ITSN2: variants seen among roughly 807,000 people sequenced by gnomAD.
The protein encoded by ITSN2 is intersectin-2.
ITSN2 carries 156 observed loss-of-function variants against 243.7 expected under a neutral mutation model. That is an observed-to-expected ratio of 0.64 (90% CI 0.56 to 0.73). ITSN2 has a LOEUF of 0.73. ITSN2 is among the 30% of genes least tolerant of loss of function. The probability of loss-of-function intolerance (pLI) is 0.00; values close to 1 mark genes in which losing one functional copy is unlikely to be tolerated. For missense variants in ITSN2, 1,801 were observed against 1,996.1 expected, an observed-to-expected ratio of 0.90 and a Z score of 1.86; for synonymous variants, 703 against 699.9, an observed-to-expected ratio of 1.00 and a Z score of -0.07.
Position 24,209,959 on chromosome 2 carries a change from G to C in ITSN2, c.4332C>G (p.Thr1444=). The C allele has an allele frequency of 1.2e-6, 2 of 1,614,176 alleles. No homozygotes were observed. The highest frequency in any genetic ancestry group is 1.7e-6 in the Non-Finnish European group (2 of 1,179,984). Residue 1444 remains threonine, a synonymous_variant, in exon 35 of 40, where the codon ACC becomes ACG. Coordinates refer to ENST00000355123, the MANE Select transcript of ITSN2 (RefSeq NM_006277.3). ...KLLHSGKLYK[T]KSNKELHGFL... ...ATCCGTGCAGTTCCTTGTTGCTCTTGGTCTTGTATAATTTCCCACTGTGTA... is the reference window on the plus strand; with the variant it reads ...ATCCGTGCAGTTCCTTGTTGCTCTTCGTCTTGTATAATTTCCCACTGTGTA...
At position 24,310,339 on chromosome 2, in the gene ITSN2, A is replaced by C. The variant is rs1416645826; in HGVS notation, c.598T>G (p.Phe200Val). The stretch of plus-strand genomic sequence containing the variant: ...GCTTTCTGTATACTAGCACCTCCAA[A>C]TCCTCCCATCATCAGACTATAAGAT... ...GSSYSLMMGG[F>V]GGASIQKAQS... Residue 200 changes from phenylalanine (F) to valine (V), a missense_variant, in exon 7 of 40, where the codon TTT becomes GTT. By Grantham distance (50) the Phe-to-Val change is conservative. Transcript: ENST00000355123. 1 of 1,613,962 alleles carries C rather than the reference A, an allele frequency of 6.2e-7. No individual in the cohort carries two copies.
chr2:24,306,837 C>T (rs140187010), intron 8 of ITSN2, among the ~76,000 whole-genome samples: 5 of 151,182 alleles, frequency 3.3e-5, no homozygotes, highest in Admixed American at 6.6e-5. Context: ...GACAGAGTCT[C>T]GTTCTGTTGC....
chr2:24,212,677 G>C lies in ITSN2; in HGVS notation c.4062C>G (p.Ile1354Met), dbSNP rs894425980. ...TTCTGATGAGCAGTGGGTAGCGGGT[G>C]ATCCTCTGCATGGGTTTCAGCAGGA... ...SSFLLKPMQRITRYPLLIRSI... is the reference protein window; with the variant it reads ...SSFLLKPMQRMTRYPLLIRSI... The change falls in exon 33 of 40, where the codon ATC becomes ATG. Residue 1354 changes from isoleucine to methionine, a missense_variant. Around this residue, in one of 5 missense-constraint regions of ITSN2, gnomAD observed 928 missense variants for 1,065.4 expected, o/e 0.87. Transcript: ENST00000355123. 1.9e-6 allele frequency: 3 copies of C among 1,613,060 alleles called. No individual in the cohort carries two copies. Among genetic ancestry groups the C allele is most frequent in the Non-Finnish European group, 2.5e-6 (3 of 1,179,638 alleles).
At chr2:24,203,882 G>T in intron 39 of ITSN2, 99 bp from the exon 40 acceptor site, 1 of 1,296,198 alleles carries the variant, frequency 7.7e-7, no homozygotes, top group Non-Finnish European at 1.1e-6. Flanking sequence ...CTTCAAATCT[G>T]AAACAAGGAA....
At chr2:24,267,148 ACAC>A (rs1039186443) in intron 20 of ITSN2, among the ~76,000 whole-genome samples, 8 of 151,952 alleles carry the variant, frequency 5.3e-5, no homozygotes, top group African/African-American at 1.9e-4. Context: ...AGAAAACCAA[ACAC>A]CACATGTTCT....
Position 24,203,761 on chromosome 2 carries a change from A to C in ITSN2, c.4959T>G (p.Ile1653Met). Reference sequence around the variant, plus strand: ...GTTCTGTTCGAATTTTTGCCACTGGAATTTCAGTACGACCCAGGAAATCTG... The same window carrying C: ...GTTCTGTTCGAATTTTTGCCACTGGCATTTCAGTACGACCCAGGAAATCTG... ...SPDDFLGRTE[I>M]PVAKIRTEQE... is the part of the protein sequence containing the mutation. The change falls in exon 40 of 40, where the codon ATT becomes ATG. Residue 1653 changes from isoleucine to methionine, a missense_variant. This residue lies in a region of ITSN2 where 928 missense variants were observed against 1,065.4 expected (regional missense o/e 0.87). Coordinates refer to ENST00000355123, the MANE Select transcript of ITSN2 (RefSeq NM_006277.3). 6.2e-7 allele frequency: 1 copy of C among 1,614,000 alleles called. No homozygotes were observed. The highest frequency in any genetic ancestry group is 8.5e-7 in the Non-Finnish European group (1 of 1,179,964).
At chr2:24,320,347 G>A (rs370386189) in intron 2 of ITSN2, among the ~76,000 whole-genome samples, 161 of 150,390 alleles carry the variant, frequency 1.1e-3, no homozygotes, top group African/African-American at 3.8e-3. Flanking sequence ...GTGAAACCCC[G>A]TCTCTACTAA....
At position 24,204,842 on chromosome 2, in the gene ITSN2, G is replaced by A. The variant is rs1222290032; in HGVS notation, c.4762+372C>T. 6 of 419,682 alleles carry A rather than the reference G, an allele frequency of 1.4e-5. No homozygotes were observed. Among genetic ancestry groups the A allele is most frequent in the South Asian group, 1.1e-4 (6 of 57,110 alleles). The allele number at this position is 419,682 out of a possible 1,614,324, so 26.0% of individuals were successfully genotyped here. A position where few individuals can be genotyped will look rare whatever the true frequency, so the allele number is the denominator to read the frequency against. On this transcript the variant is annotated intron_variant, in intron 38 of 39. Transcript: ENST00000355123. This position sits in a 1 kb window ranked among gnomAD's most constrained non-coding sequence, Gnocchi z 5.1. ...ATTCCTTTATTCAGTGTTCAGAAGA[G>A]TCATCAGTGGCTGGGCGCAGTGGCA... is the stretch of plus-strand genomic sequence containing the variant.
chr2:24,323,673 C>T (rs2702042), intron 2 of ITSN2, among the ~76,000 whole-genome samples: 51,646 of 151,866 alleles, frequency 0.34, 9,237 homozygotes, highest in African/African-American at 0.42. Context: ...CTCATCGAAC[C>T]GTATACTTTA....
Position 24,261,734 on chromosome 2 carries a change from T to G in ITSN2, c.2364A>C (p.Glu788Asp). 1 of 1,611,266 alleles carries G rather than the reference T, an allele frequency of 6.2e-7. No homozygotes were observed. Among genetic ancestry groups the G allele is most frequent in the South Asian group, 1.1e-5 (1 of 90,702 alleles). Residue 788 changes from glutamate (E) to aspartate (D), a missense_variant, in exon 21 of 40, where the codon GAA (glutamate) becomes GAC (aspartate). Around this residue, in one of 5 missense-constraint regions of ITSN2, gnomAD observed 787 missense variants for 803.9 expected, o/e 0.98. Coordinates refer to ENST00000355123, the MANE Select transcript of ITSN2 (RefSeq NM_006277.3). ...GCCAACCAGGTTCTCCTACGGTTTTTTCATCAACCTACGGAAATAAAAAGA... is the reference window on the plus strand; with the variant it reads ...GCCAACCAGGTTCTCCTACGGTTTTGTCATCAACCTACGGAAATAAAAAGA... ...FNSGDIIQVD[E>D]KTVGEPGWLY...
chr2:24,318,162 T>C (rs1684139315), intron 2 of ITSN2, among the ~76,000 whole-genome samples: 1 of 152,040 alleles, frequency 6.6e-6, no homozygotes, highest in Non-Finnish European at 1.5e-5. Context: ...TTTTAAAAAA[T>C]TTAGAGACAG....
At position 24,248,895 on chromosome 2, in the gene ITSN2, G is replaced by C; in HGVS notation, c.3121-13C>G. The C allele has an allele frequency of 6.2e-7, 1 of 1,612,110 alleles. No homozygotes were observed. Among genetic ancestry groups the C allele is most frequent in the East Asian group, 2.2e-5 (1 of 44,848 alleles). ...CACTCCCAAAACTCTACAAGGAAAA[G>C]ATACCGTGTTGTTTTATTATTTCCA... On this transcript the variant is annotated splice_polypyrimidine_tract_variant and intron_variant, in intron 25 of 39. Transcript: ENST00000355123.
At chr2:24,215,724 T>C (rs1420553112) in intron 32 of ITSN2, among the ~76,000 whole-genome samples, 1 of 147,646 alleles carries the variant, frequency 6.8e-6, no homozygotes, top group Non-Finnish European at 1.5e-5. Context: ...ATAAGGCAGG[T>C]ATTAAATGAA....
intron 1 of ITSN2, among the ~76,000 whole-genome samples, chr2:24,340,802 T>G (rs1249129671): frequency 6.6e-6 from 1 of 151,966 alleles, no homozygotes; most frequent in African/African-American, 2.4e-5. Context: ...AGACCCACAT[T>G]TGGTAGTTAT....
In ITSN2 at chr2:24,314,514, T is replaced by C. The variant is rs558152193; in HGVS notation, c.124+618A>G. Among the ~76,000 whole-genome samples, 6 of 152,274 alleles carry C rather than the reference T, an allele frequency of 3.9e-5. No individual in the cohort carries two copies. In the East Asian group the frequency reaches 1.2e-3, roughly 29 times the overall value. On this transcript the variant is annotated intron_variant, in intron 3 of 39. Coordinates refer to ENST00000355123, the MANE Select transcript of ITSN2 (RefSeq NM_006277.3). ...CAACAACAGTGCCTACTTTACAGGG[T>C]TGTTGTAAAGGTTAAATAAAATAAT...
At position 24,203,403 on chromosome 2, in the gene ITSN2, A is replaced by G. The variant is rs1343292150; in HGVS notation, c.*223T>C. 2.3e-6 allele frequency: 1 copy of G among 433,676 alleles called. No homozygotes were observed. Among genetic ancestry groups the G allele is most frequent in the Admixed American group, 3.7e-5 (1 of 27,130 alleles). 26.9% of individuals were successfully genotyped at this position (433,676 alleles called of 1,614,324 possible). On this transcript the variant is annotated 3_prime_UTR_variant, in exon 40 of 40. Coordinates refer to ENST00000355123, the MANE Select transcript of ITSN2 (RefSeq NM_006277.3). ...TAAACAAACAGAGCTGAACATGTGA[A>G]CACTAGGACAAGGCACTGTACTATG...
chr2:24,293,755 G>A lies in ITSN2; in HGVS notation c.1656C>T (p.Ile552=). ...QELQEYQNKL[I]YLVPEKQLLN... The stretch of plus-strand genomic sequence containing the variant: ...ATAATTGCTTCTCAGGTACCAGATA[G>A]ATAAGCTTATTCTGATATTCCTTAT... The change falls in exon 15 of 40, where the codon ATC becomes ATT. Residue 552 remains isoleucine (I), a synonymous_variant. Coordinates refer to ENST00000355123, the MANE Select transcript of ITSN2 (RefSeq NM_006277.3). 1 of 1,126,546 alleles carries A rather than the reference G, an allele frequency of 8.9e-7. No homozygotes were observed. The highest frequency in any genetic ancestry group is 1.3e-6 in the Non-Finnish European group (1 of 779,764). The allele number at this position is 1,126,546 out of a possible 1,614,324, so 69.8% of individuals were successfully genotyped here. A position where few individuals can be genotyped will look rare whatever the true frequency, so the allele number is the denominator to read the frequency against.
chr2:24,223,830 AAGG>A (rs74888494), intron 29 of ITSN2, among the ~76,000 whole-genome samples: 1 of 144,570 alleles, frequency 6.9e-6, no homozygotes, highest in African/African-American at 2.6e-5. Context: ...AAGGGAAAAA[AAGG>A]AAAGAAACAA....
rs766183146 is a variant in ITSN2 at position 24,289,957 on chromosome 2, T to C, written c.1724-3606A>G. ...GATTATGATAGCTGTGAGCTTTTCA[T>C]AAATGGCCTTTATTATGTTGAAGAA... On this transcript the variant is annotated intron_variant, in intron 15 of 39. Transcript: ENST00000355123. 8.0e-4 allele frequency among the ~76,000 whole-genome samples: 122 copies of C among 152,348 alleles called. 2 individuals carry two copies. Among genetic ancestry groups the C allele is most frequent in the Admixed American group, 3.3e-4 (5 of 15,300 alleles).
Sources: gnomAD v4.1 joint callset for allele counts (sites outside exome capture counted in the v4.1 genomes callset) on GRCh38, gnomAD v4.1.1 for gene constraint, gnomAD v4.1.1 regional missense constraint, Gnocchi (gnomAD v3.1) non-coding constraint, MANE v1.5 for transcripts, NCBI Gene and HGNC (gene_info 2026-07-23, HGNC 2026-07-21) for gene names.